Variants in ARHGDIB observed in about 807,000 individuals in gnomAD.
ARHGDIB encodes the protein rho GDP-dissociation inhibitor 2.
In ARHGDIB, 20 loss-of-function variants were observed where a neutral mutation model predicts 22.6. That is an observed-to-expected ratio of 0.88 (90% confidence interval 0.62 to 1.28). ARHGDIB has a LOEUF of 1.28. Among genes scored for constraint, ARHGDIB ranks in the 50% most tolerant of loss-of-function variants. ARHGDIB has a pLI of 0.00. For missense variants in ARHGDIB, 254 were observed against 245.4 expected, an observed-to-expected ratio of 1.04 and a Z score of -0.23; for synonymous variants, 114 against 96.1, an observed-to-expected ratio of 1.19 and a Z score of -1.09.
In ARHGDIB at chr12:14,950,562, T is replaced by A; in HGVS notation, c.151A>T (p.Thr51Ser). 1 of 1,613,830 alleles carries A rather than the reference T, an allele frequency of 6.2e-7. No homozygotes were observed. The highest frequency in any genetic ancestry group is 8.5e-7 in the Non-Finnish European group (1 of 1,179,852). The change falls in exon 2 of 6, where the codon ACG becomes TCG. Residue 51 changes from threonine to serine, a missense_variant. Coordinates refer to ENST00000228945, the MANE Select transcript of ARHGDIB (RefSeq NM_001175.7). ...DDESLIKYKKTLLGDGPVVTD... is the reference protein window; with the variant it reads ...DDESLIKYKKSLLGDGPVVTD... ...ACCACAGGACCATCTCCCAGCAGCG[T>A]TTTCTTGTACTTAATTAGACTCTCA...
intron 3 of ARHGDIB, among the ~76,000 whole-genome samples, chr12:14,948,641 C>T (rs1031839808): frequency 6.6e-6 from 1 of 152,190 alleles, no homozygotes; most frequent in Non-Finnish European, 1.5e-5. Flanking sequence ...TTTCTTCATG[C>T]ATAGCAGCTT....
chr12:14,942,700 A>T lies in ARHGDIB; in HGVS notation c.428T>A (p.Val143Asp), dbSNP rs1430727965. 1 of 1,614,122 alleles carries T rather than the reference A, an allele frequency of 6.2e-7. No homozygotes were observed. The highest frequency in any genetic ancestry group is 1.1e-5 in the South Asian group (1 of 91,088). Reference protein sequence around the residue: ...GVKVDKATFMVGSYGPRPEEY... With the variant: ...GVKVDKATFMDGSYGPRPEEY... ...CTCAGGCCGAGGTCCATAGCTGCCA[A>T]CCATAAATGTTGCTTTATCCACTAA... The change falls in exon 6 of 6, where the codon GTT becomes GAT. Residue 143 changes from valine (V) to aspartate (D), a missense_variant. Transcript: ENST00000228945.
intron 5 of ARHGDIB, among the ~76,000 whole-genome samples, chr12:14,943,903 T>C (rs868719691): frequency 9.9e-5 from 15 of 152,136 alleles, no homozygotes; most frequent in Non-Finnish European, 1.3e-4. Flanking sequence ...CAAAGGAAAA[T>C]AGGAAATTAA....
chr12:14,952,698 T>A (rs986573018), intron 1 of ARHGDIB, among the ~76,000 whole-genome samples: 1 of 152,178 alleles, frequency 6.6e-6, no homozygotes, highest in Non-Finnish European at 1.5e-5. Flanking sequence ...GACAGGGGCA[T>A]ACCCAGAACC....
intron 1 of ARHGDIB, among the ~76,000 whole-genome samples, chr12:14,958,210 G>A (rs534603890): frequency 1.3e-5 from 2 of 152,036 alleles, no homozygotes; most frequent in African/African-American, 4.8e-5. Context: ...TTCTTGGTTC[G>A]GGATTCCACC....
intron 1 of ARHGDIB, among the ~76,000 whole-genome samples, chr12:14,959,695 C>A (rs1025728459): frequency 6.6e-5 from 10 of 152,090 alleles, no homozygotes; most frequent in Admixed American, 6.6e-4. Flanking sequence ...GAAAACAGAA[C>A]CTTAATGTTG....
rs761775273 is a variant in ARHGDIB at position 14,942,534 on chromosome 12, C to T, written c.594G>A (p.Glu198=). The T allele has an allele frequency of 1.2e-6, 2 of 1,614,140 alleles. No individual in the cohort carries two copies. The highest frequency in any genetic ancestry group is 1.7e-6 in the Non-Finnish European group (2 of 1,180,020). ...GGGGTGGATGCATTCATTCTGTCCA[C>T]TCCTTCTTAATCGACAGGTTCCACT... ...SWEWNLSIKK[E]WTE The change falls in exon 6 of 6, where the codon GAG becomes GAA. Residue 198 remains glutamate (E), a synonymous_variant. Coordinates refer to ENST00000228945, the MANE Select transcript of ARHGDIB (RefSeq NM_001175.7).
chr12:14,960,190 G>A (rs768853613), intron 1 of ARHGDIB, among the ~76,000 whole-genome samples: 2 of 152,134 alleles, frequency 1.3e-5, no homozygotes, highest in Non-Finnish European at 2.9e-5. Flanking sequence ...TCCCCACTCT[G>A]AATGAAGAAC....
chr12:14,944,407 G>C (rs1336710901), intron 5 of ARHGDIB, among the ~76,000 whole-genome samples: 1 of 151,666 alleles, frequency 6.6e-6, no homozygotes, highest in African/African-American at 2.4e-5. Flanking sequence ...TTCTTTCTTG[G>C]TTTTCTCTGA....
At chr12:14,944,662 C>A in intron 5 of ARHGDIB, 114 bp downstream of exon 5, 1 of 998,860 alleles carries the variant, frequency 1.0e-6, no homozygotes, top group Non-Finnish European at 1.5e-6. Context: ...AGCCGGCATC[C>A]ACAGCTTTTA....
rs11541210 is a variant in ARHGDIB at position 14,947,891 on chromosome 12, T to C, written c.324A>G (p.Arg108=). The change falls in exon 4 of 6, where the codon AGA becomes AGG. Residue 108 remains arginine (R), a synonymous_variant. Coordinates refer to ENST00000228945, the MANE Select transcript of ARHGDIB (RefSeq NM_001175.7). ...TIVLKEGSEY[R]VKIHFKVNRD... ...TACTTACTTTGAAGTGAATTTTGAC[T>C]CTATATTCAGAACCTTCCTTTAACA... The C allele has an allele frequency of 4.6e-3, 7,407 of 1,612,410 alleles. 38 individuals are homozygous for C. Among genetic ancestry groups the C allele is most frequent in the Non-Finnish European group, 5.7e-3 (6,676 of 1,178,424 alleles).
At chr12:14,955,646 C>T (rs369219954) in intron 1 of ARHGDIB, among the ~76,000 whole-genome samples, 3 of 152,158 alleles carry the variant, frequency 2.0e-5, no homozygotes, top group African/African-American at 7.2e-5. Context: ...GCATTTTTAA[C>T]GTTATTTCTG....
At chr12:14,951,881 G>A (rs898004805) in intron 1 of ARHGDIB, among the ~76,000 whole-genome samples, 5 of 151,952 alleles carry the variant, frequency 3.3e-5, no homozygotes, top group African/African-American at 1.2e-4. Context: ...AATTGCCCAG[G>A]TTCACACAGC....
chr12:14,946,288 T>C (rs138646863), intron 4 of ARHGDIB, among the ~76,000 whole-genome samples: 59 of 152,212 alleles, frequency 3.9e-4, no homozygotes, highest in African/African-American at 1.3e-3. Flanking sequence ...GAACCTAAAA[T>C]AACAATCGTA....
At chr12:14,961,146 G>C (rs1174915921) in intron 1 of ARHGDIB, 2 of 152,250 alleles carry the variant, frequency 1.3e-5, no homozygotes, top group Admixed American at 6.6e-5. Flanking sequence ...CCATCCACCA[G>C]CACAGACCGT....
Position 14,949,790 on chromosome 12 carries a change from G to A in ARHGDIB, c.265+12C>T, listed in dbSNP as rs112467915. 1.7e-3 allele frequency: 2,755 copies of A among 1,612,608 alleles called. 34 individuals carry two copies. In the African/African-American group the frequency reaches 0.026, roughly 15 times the overall value. ...TAGGCCCCCTTTGAACAGTACAGAT[G>A]TGTCTACATACCAGTAAGGTCCATG... is the stretch of plus-strand genomic sequence containing the variant. On this transcript the variant is annotated intron_variant, in intron 3 of 5. Transcript: ENST00000228945.
rs1370068313 is a variant in ARHGDIB at position 14,961,589 on chromosome 12, TC to T, written c.-66del. The T allele has an allele frequency of 6.6e-6, 1 of 151,844 alleles. No homozygotes were observed. Among genetic ancestry groups the T allele is most frequent in the East Asian group, 1.9e-4 (1 of 5,194 alleles). 9.4% of individuals were successfully genotyped at this position (151,844 alleles called of 1,614,324 possible). A position where few individuals can be genotyped will look rare whatever the true frequency, so the allele number is the denominator to read the frequency against. ...GTGCCTCTGTCTCTCAACTCTGACT[TC>T]TGAGTACTGGCAGTTAGAACAGGAA... On this transcript the variant is annotated 5_prime_UTR_variant, in exon 1 of 6. Transcript: ENST00000228945.
chr12:14,944,914 G>T, intron 4 of ARHGDIB, 75 bp from the exon 5 acceptor site: 1 of 1,310,820 alleles, frequency 7.6e-7, no homozygotes, highest in Non-Finnish European at 1.1e-6. Context: ...TGCTGATCCT[G>T]CCTAGCTGAA....
chr12:14,947,817 C>G (rs1256879631), intron 4 of ARHGDIB, 56 bp downstream of exon 4: 22 of 1,376,426 alleles, frequency 1.6e-5, no homozygotes. Flanking sequence ...GAAATGTAGT[C>G]ACTGATTAAA....
Sources: gnomAD v4.1 joint callset for allele counts (sites outside exome capture counted in the v4.1 genomes callset) on GRCh38, gnomAD v4.1.1 for gene constraint, MANE v1.5 for transcripts, NCBI Gene and HGNC (gene_info 2026-07-23, HGNC 2026-07-21) for gene names.